KLHL9: variants seen among roughly 807,000 people sequenced by gnomAD.
KLHL9 encodes the protein kelch-like protein 9.
In KLHL9, 27 loss-of-function variants were observed where a neutral mutation model predicts 42.3. The observed-to-expected ratio is 0.64, with a 90% CI of 0.47 to 0.88. The LOEUF is 0.88. Among genes scored for constraint, KLHL9 ranks in the 40% least tolerant of loss-of-function variants. The probability of loss-of-function intolerance (pLI) is 0.00; values close to 1 mark genes in which losing one functional copy is unlikely to be tolerated. For missense variants in KLHL9, 629 were observed against 750.3 expected, an observed-to-expected ratio of 0.84 and a Z score of 1.89; for synonymous variants, 274 against 254.4, an observed-to-expected ratio of 1.08 and a Z score of -0.73.
Position 21,333,850 on chromosome 9 carries a change from C to A in KLHL9, c.1010G>T (p.Arg337Leu). 1 of 1,613,886 alleles carries A rather than the reference C, an allele frequency of 6.2e-7. No homozygotes were observed. Among genetic ancestry groups the A allele is most frequent in the Non-Finnish European group, 8.5e-7 (1 of 1,180,006 alleles). Residue 337 changes from arginine to leucine, a missense_variant, in exon 1 of 1, where the codon CGT becomes CTT. Physicochemically the swap from Arg to Leu is moderately radical, Grantham distance 102 (BLOSUM62 -2). This residue lies in a region of KLHL9 where 214 missense variants were observed against 305.8 expected (regional missense o/e 0.70). Coordinates refer to ENST00000359039, the MANE Select transcript of KLHL9 (RefSeq NM_018847.4). The surrounding 1 kb of genome is among the most constrained non-coding windows in gnomAD (Gnocchi z 7.5). The part of the protein sequence containing the change: ...WRSLAPMDAP[R>L]YQHGIAVIGN... ...AATGACAGCAATACCATGCTGGTAA[C>A]GGGGAGCATCCATTGGGGCTAAAGA...
At position 21,330,024 on chromosome 9, in the gene KLHL9, ATC is replaced by A. The variant is rs1377986141; in HGVS notation, c.*2980_*2981del. The A allele has an allele frequency of 1.3e-5, 2 of 152,184 alleles. No individual in the cohort carries two copies. The highest frequency in any genetic ancestry group is 4.8e-5 in the African/African-American group (2 of 41,452). The allele number at this position is 152,184 out of a possible 1,614,324, so 9.4% of individuals were successfully genotyped here. A position where few individuals can be genotyped will look rare whatever the true frequency, so the allele number is the denominator to read the frequency against. On this transcript the variant is annotated 3_prime_UTR_variant, in exon 1 of 1. Transcript: ENST00000359039. ...AAAAATTACCAGCTTATGAAAATAA[ATC>A]TCTTTCCATTTAATCATTTCAACCA...
Position 21,335,357 on chromosome 9 carries a change from C to A in KLHL9, c.-498G>T, listed in dbSNP as rs1333389582. ...GCTTGGGCCTAGAATACCGGCCTAGCCCCAACACCGAGCCGCTCCTTCCGG... is the reference window on the plus strand; with the variant it reads ...GCTTGGGCCTAGAATACCGGCCTAGACCCAACACCGAGCCGCTCCTTCCGG... On this transcript the variant is annotated 5_prime_UTR_variant, in exon 1 of 1. Transcript: ENST00000359039. 2.4e-6 allele frequency: 1 copy of A among 416,624 alleles called. No homozygotes were observed. Among genetic ancestry groups the A allele is most frequent in the African/African-American group, 2.0e-5 (1 of 48,786 alleles). 25.8% of individuals were successfully genotyped at this position (416,624 alleles called of 1,614,324 possible).
rs573795619 is a variant in KLHL9, at chr9:21,329,764, G to GTATATATATATA, written c.*3230_*3241dup. On this transcript the variant is annotated 3_prime_UTR_variant, in exon 1 of 1. Transcript: ENST00000359039. ...TTGACAAATGCCTGCACATATGTAC[G>GTATATATATATA]TATATATATATATATAATATACTAT... 6 of 147,540 alleles carry GTATATATATATA rather than the reference G, an allele frequency of 4.1e-5. No homozygotes were observed. The South Asian group carries it at 6.4e-4, about 16-fold the overall frequency. 9.1% of individuals were successfully genotyped at this position (147,540 alleles called of 1,614,324 possible).
Position 21,333,447 on chromosome 9 carries a change from A to G in KLHL9, c.1413T>C (p.Asp471=), listed in dbSNP as rs1347735463. 1 of 1,614,220 alleles carries G rather than the reference A, an allele frequency of 6.2e-7. No homozygotes were observed. Among genetic ancestry groups the G allele is most frequent in the East Asian group, 2.2e-5 (1 of 44,884 alleles). The change falls in exon 1 of 1, where the codon GAT becomes GAC. Residue 471 remains aspartate, a synonymous_variant. Transcript: ENST00000359039. This position sits in a 1 kb window ranked among gnomAD's most constrained non-coding sequence, Gnocchi z 7.5. Reference sequence around the variant, plus strand: ...TCATTGGAGCCTTTTGCATCCATTTATCTGTATCTGGGTCAAAACACATGA... The same window carrying G: ...TCATTGGAGCCTTTTGCATCCATTTGTCTGTATCTGGGTCAAAACACATGA... The part of the protein sequence containing the change: ...NELMCFDPDT[D]KWMQKAPMTT...
At position 21,335,343 on chromosome 9, in the gene KLHL9, G is replaced by A; in HGVS notation, c.-484C>T. On this transcript the variant is annotated 5_prime_UTR_variant, in exon 1 of 1. Coordinates refer to ENST00000359039, the MANE Select transcript of KLHL9 (RefSeq NM_018847.4). ...AGGCCTGGGCCTGGGCTTGGGCCTA[G>A]AATACCGGCCTAGCCCCAACACCGA... 1 of 423,466 alleles carries A rather than the reference G, an allele frequency of 2.4e-6. No individual in the cohort carries two copies. The highest frequency in any genetic ancestry group is 4.3e-6 in the Non-Finnish European group (1 of 231,512). 26.2% of individuals were successfully genotyped at this position (423,466 alleles called of 1,614,324 possible).
Position 21,331,298 on chromosome 9 carries a change from TAGAA to T in KLHL9, c.*1704_*1707del, listed in dbSNP as rs962309237. 6 of 152,640 alleles carry T rather than the reference TAGAA, an allele frequency of 3.9e-5. No individual in the cohort carries two copies. The highest frequency in any genetic ancestry group is 9.6e-5 in the African/African-American group (4 of 41,542). The allele number at this position is 152,640 out of a possible 1,614,324, so 9.5% of individuals were successfully genotyped here. ...AAAAAACTGAGTAATTAAAAAAACA[TAGAA>T]AGTATGAAAATTTCTGCCAATGCAG... On this transcript the variant is annotated 3_prime_UTR_variant, in exon 1 of 1. Transcript: ENST00000359039.
rs1272612608 is a variant in KLHL9, at chr9:21,333,619, G to C, written c.1241C>G (p.Ala414Gly). 1 of 1,614,140 alleles carries C rather than the reference G, an allele frequency of 6.2e-7. No homozygotes were observed. Among genetic ancestry groups the C allele is most frequent in the Admixed American group, 1.7e-5 (1 of 60,028 alleles). The change falls in exon 1 of 1, where the codon GCC becomes GGC. Residue 414 changes from alanine (A) to glycine (G), a missense_variant. By Grantham distance (60) the Ala-to-Gly change is moderately conservative. Transcript: ENST00000359039. This position sits in a 1 kb window ranked among gnomAD's most constrained non-coding sequence, Gnocchi z 7.5. ...TCTTGGGTTGTAACATTCTACTGTG[G>C]CCAGTTCACCAGCTGCACTGCGCCC... ...VGGRSAAGEL[A>G]TVECYNPRMN...
Position 21,333,496 on chromosome 9 carries a change from G to T in KLHL9, c.1364C>A (p.Thr455Asn). The change falls in exon 1 of 1, where the codon ACC becomes AAC. Residue 455 changes from threonine (T) to asparagine (N), a missense_variant. Physicochemically the swap from Thr to Asn is moderately conservative, Grantham distance 65. This residue lies in a region of KLHL9 where 214 missense variants were observed against 305.8 expected (regional missense o/e 0.70). Transcript: ENST00000359039. This position sits in a 1 kb window ranked among gnomAD's most constrained non-coding sequence, Gnocchi z 7.5. ...GGLMYISGGI[T>N]HDTFQNELMC... ...GAGCTCATTTTGGAAAGTGTCATGG[G>T]TAATTCCTCCTGAAATATACATTAA... The T allele has an allele frequency of 6.2e-7, 1 of 1,614,118 alleles. No individual in the cohort carries two copies. Among genetic ancestry groups the T allele is most frequent in the South Asian group, 1.1e-5 (1 of 91,084 alleles).
At position 21,333,163 on chromosome 9, in the gene KLHL9, T is replaced by A. The variant is rs775823601; in HGVS notation, c.1697A>T (p.Lys566Ile). 6.8e-6 allele frequency: 11 copies of A among 1,614,176 alleles called. No individual in the cohort carries two copies. The highest frequency in any genetic ancestry group is 5.1e-6 in the Non-Finnish European group (6 of 1,180,024). Residue 566 changes from lysine to isoleucine, a missense_variant, in exon 1 of 1, where the codon AAA becomes ATA. This residue lies in a region of KLHL9 where 61 missense variants were observed against 63.5 expected (regional missense o/e 0.96). Transcript: ENST00000359039. This position sits in a 1 kb window ranked among gnomAD's most constrained non-coding sequence, Gnocchi z 7.5. The part of the protein sequence containing the change: ...NNRCMVEIVQ[K>I]YDPEKDEWHK... ...CCACTCATCTTTTTCTGGGTCATATTTCTGGACAATTTCTACCATACAACG... is the reference window on the plus strand; with the variant it reads ...CCACTCATCTTTTTCTGGGTCATATATCTGGACAATTTCTACCATACAACG...
At position 21,332,738 on chromosome 9, in the gene KLHL9, CCA is replaced by C. The variant is rs1820195052; in HGVS notation, c.*266_*267del. On this transcript the variant is annotated 3_prime_UTR_variant, in exon 1 of 1. Coordinates refer to ENST00000359039, the MANE Select transcript of KLHL9 (RefSeq NM_018847.4). ...CATAATGGACATAATTACACATTTA[CCA>C]CAGTCATCTACAATTTTATATAACA... 4.6e-6 allele frequency: 2 copies of C among 431,946 alleles called. No individual in the cohort carries two copies. Among genetic ancestry groups the C allele is most frequent in the East Asian group, 4.1e-5 (1 of 24,356 alleles). The allele number at this position is 431,946 out of a possible 1,614,324, so 26.8% of individuals were successfully genotyped here.
chr9:21,329,806 C>T lies in KLHL9; in HGVS notation c.*3200G>A, dbSNP rs1407043618. ...ATATACTATTAATAGAAATTATCTT[C>T]AACATGTGGAATCACTGATAAATTA... On this transcript the variant is annotated 3_prime_UTR_variant, in exon 1 of 1. Coordinates refer to ENST00000359039, the MANE Select transcript of KLHL9 (RefSeq NM_018847.4). 6.6e-6 allele frequency: 1 copy of T among 150,796 alleles called. No homozygotes were observed. Among genetic ancestry groups the T allele is most frequent in the Non-Finnish European group, 1.5e-5 (1 of 67,730 alleles). The allele number at this position is 150,796 out of a possible 1,614,324, so 9.3% of individuals were successfully genotyped here.
rs1391871439 is a variant in KLHL9 at position 21,330,577 on chromosome 9, C to T, written c.*2429G>A. 6.6e-6 allele frequency: 1 copy of T among 152,014 alleles called. No homozygotes were observed. Among genetic ancestry groups the T allele is most frequent in the Non-Finnish European group, 1.5e-5 (1 of 68,032 alleles). 9.4% of individuals were successfully genotyped at this position (152,014 alleles called of 1,614,324 possible). ...GAGCAGTTTACCTAGTAAAGCAATA[C>T]TTATTTCAATAGGAAGCACCAGGTT... On this transcript the variant is annotated 3_prime_UTR_variant, in exon 1 of 1. Coordinates refer to ENST00000359039, the MANE Select transcript of KLHL9 (RefSeq NM_018847.4).
At position 21,334,590 on chromosome 9, in the gene KLHL9, C is replaced by G; in HGVS notation, c.270G>C (p.Leu90Phe). Reference sequence around the variant, plus strand: ...TCACCCCATGAAGCTTAATGCACATCAAATCTTGTTCTTTCATTCCACCTG... The same window carrying G: ...TCACCCCATGAAGCTTAATGCACATGAAATCTTGTTCTTTCATTCCACCTG... ...MFTGGMKEQD[L>F]MCIKLHGVNK... The change falls in exon 1 of 1, where the codon TTG becomes TTC. Residue 90 changes from leucine to phenylalanine, a missense_variant. By Grantham distance (22) the Leu-to-Phe change is conservative. This residue lies in a region of KLHL9 where 351 missense variants were observed against 363.1 expected (regional missense o/e 0.97). Coordinates refer to ENST00000359039, the MANE Select transcript of KLHL9 (RefSeq NM_018847.4). This position sits in a 1 kb window ranked among gnomAD's most constrained non-coding sequence, Gnocchi z 5.1. The G allele has an allele frequency of 1.2e-6, 2 of 1,614,152 alleles. No homozygotes were observed. Among genetic ancestry groups the G allele is most frequent in the Non-Finnish European group, 1.7e-6 (2 of 1,180,024 alleles).
chr9:21,332,716 A>AATGG lies in KLHL9; in HGVS notation c.*286_*289dup. On this transcript the variant is annotated 3_prime_UTR_variant, in exon 1 of 1. Transcript: ENST00000359039. The stretch of plus-strand genomic sequence containing the variant: ...AGATGAAAACTCAACTTTGAAGCAT[A>AATGG]ATGGACATAATTACACATTTACCAC... 6.0e-6 allele frequency: 2 copies of AATGG among 335,792 alleles called. No homozygotes were observed. The highest frequency in any genetic ancestry group is 1.1e-5 in the Non-Finnish European group (2 of 185,162). 20.8% of individuals were successfully genotyped at this position (335,792 alleles called of 1,614,324 possible).
rs979118445 is a variant in KLHL9 at position 21,329,863 on chromosome 9, T to C, written c.*3143A>G. On this transcript the variant is annotated 3_prime_UTR_variant, in exon 1 of 1. Transcript: ENST00000359039. ...TTTTATTTTCCTGTACGTTCTATAA[T>C]AGACATATCAAAAAAGCTAACAAAT... The C allele has an allele frequency of 6.6e-6, 1 of 151,900 alleles. No homozygotes were observed. The highest frequency in any genetic ancestry group is 2.4e-5 in the African/African-American group (1 of 41,392). 9.4% of individuals were successfully genotyped at this position (151,900 alleles called of 1,614,324 possible). A position where few individuals can be genotyped will look rare whatever the true frequency, so the allele number is the denominator to read the frequency against.
Position 21,334,071 on chromosome 9 carries a change from G to A in KLHL9, c.789C>T (p.Asp263=), listed in dbSNP as rs781460600. The A allele has an allele frequency of 2.5e-6, 4 of 1,614,208 alleles. No homozygotes were observed. Among genetic ancestry groups the A allele is most frequent in the African/African-American group, 1.3e-5 (1 of 75,060 alleles). ...CCAAAAGCAAATTCACGCAGGTATT[G>A]TCTGTTCTCATGAAATCTACTGTCT... ...YVQTVDFMRT[D]NTCVNLLLEA... is the part of the protein sequence containing the mutation. Residue 263 remains aspartate (D), a synonymous_variant, in exon 1 of 1, where the codon GAC becomes GAT. Coordinates refer to ENST00000359039, the MANE Select transcript of KLHL9 (RefSeq NM_018847.4). This position sits in a 1 kb window ranked among gnomAD's most constrained non-coding sequence, Gnocchi z 5.1.
Position 21,333,090 on chromosome 9 carries a change from A to G in KLHL9, c.1770T>C (p.Cys590=). The change falls in exon 1 of 1, where the codon TGT becomes TGC. Residue 590 remains cysteine, a synonymous_variant. Coordinates refer to ENST00000359039, the MANE Select transcript of KLHL9 (RefSeq NM_018847.4). This position sits in a 1 kb window ranked among gnomAD's most constrained non-coding sequence, Gnocchi z 7.5. The part of the protein sequence containing the change: ...LPESLGGIRA[C]TLTVFPPEEN... The stretch of plus-strand genomic sequence containing the variant: ...CTTCAGGTGGAAAAACTGTGAGTGT[A>G]CAGGCTCGAATGCCACCAAGTGACT... 1 of 1,614,244 alleles carries G rather than the reference A, an allele frequency of 6.2e-7. No individual in the cohort carries two copies. Among genetic ancestry groups the G allele is most frequent in the Non-Finnish European group, 8.5e-7 (1 of 1,180,032 alleles).
chr9:21,333,583 C>CA lies in KLHL9; in HGVS notation c.1276dup (p.Trp426LeufsTer9). 1 of 1,614,164 alleles carries CA rather than the reference C, an allele frequency of 6.2e-7. No homozygotes were observed. Among genetic ancestry groups the CA allele is most frequent in the Non-Finnish European group, 8.5e-7 (1 of 1,180,036 alleles). On this transcript the variant is annotated frameshift_variant, in exon 1 of 1. Transcript: ENST00000359039. LOFTEE classifies it high-confidence loss of function. This position sits in a 1 kb window ranked among gnomAD's most constrained non-coding sequence, Gnocchi z 7.5. ...TTCACTCATTTTTGCAACATAGCTC[C>CA]ACTCATTCATTCTTGGGTTGTAACA...
rs943536491 is a variant in KLHL9, at chr9:21,332,813, T to C, written c.*193A>G. Reference sequence around the variant, plus strand: ...TTTTCTACGTCTTTTTTTCATTTGTTAAAACAGCTATGTTAAATACATTTT... The same window carrying C: ...TTTTCTACGTCTTTTTTTCATTTGTCAAAACAGCTATGTTAAATACATTTT... On this transcript the variant is annotated 3_prime_UTR_variant, in exon 1 of 1. Coordinates refer to ENST00000359039, the MANE Select transcript of KLHL9 (RefSeq NM_018847.4). 3.8e-6 allele frequency: 3 copies of C among 793,326 alleles called. No homozygotes were observed. The allele number at this position is 793,326 out of a possible 1,614,324, so 49.1% of individuals were successfully genotyped here.
Sources: allele counts gnomAD v4.1 joint callset, GRCh38; gene constraint gnomAD v4.1.1; regional missense constraint gnomAD v4.1.1; non-coding constraint Gnocchi (gnomAD v3.1); transcripts MANE v1.5; gene names NCBI Gene and HGNC (gene_info 2026-07-23, HGNC 2026-07-21).